COPB1: variants seen among roughly 807,000 people sequenced by gnomAD.
COPB1 encodes the protein coat protein complex I subunit beta 1.
In COPB1, 21 loss-of-function variants were observed where a neutral mutation model predicts 108.7. The ratio of observed to expected loss-of-function variants is 0.19; its 90% CI spans 0.14 to 0.28. The LOEUF is 0.28. Ranked by LOEUF, COPB1 falls within the 10% of genes least tolerant of loss-of-function variation. The pLI is 1.00. For synonymous variants in COPB1, 378 were observed against 386.8 expected (o/e 0.98, Z 0.27); for missense variants, 919 against 1,141.3 (o/e 0.81, Z 2.81).
chr11:14,490,778 A>G (rs1453656714), intron 4 of COPB1, 99 bp from the exon 5 acceptor site: 1 of 677,920 alleles, frequency 1.5e-6, no homozygotes, highest in African/African-American at 1.9e-5. Flanking sequence ...ATCAAACTTT[A>G]CAACATACTT....
intron 11 of COPB1, chr11:14,479,025 C>G (rs994516243): frequency 6.8e-6 from 1 of 146,932 alleles, no homozygotes; most frequent in Non-Finnish European, 1.5e-5. Context: ...GGAAGCAAAT[C>G]CTGCTCTGCT....
intron 6 of COPB1, among the ~76,000 whole-genome samples, chr11:14,487,400 G>C (rs541070953): frequency 6.6e-6 from 1 of 152,298 alleles, no homozygotes; most frequent in African/African-American, 2.4e-5. Context: ...CTATAGGCTG[G>C]ACATGGTGGC....
intron 16 of COPB1, among the ~76,000 whole-genome samples, chr11:14,466,676 T>C (rs1454384635): frequency 1.3e-5 from 2 of 152,246 alleles, no homozygotes; most frequent in Admixed American, 1.3e-4. Flanking sequence ...GTATTATACA[T>C]GTTGATTTTT....
chr11:14,489,204 C>T (rs982558505), intron 5 of COPB1, among the ~76,000 whole-genome samples: 2 of 152,116 alleles, frequency 1.3e-5, no homozygotes, highest in Non-Finnish European at 2.9e-5. Context: ...AACATTGCTA[C>T]TATCAAAAAA....
At chr11:14,477,307 C>G (rs1850542479) in intron 11 of COPB1, among the ~76,000 whole-genome samples, 1 of 143,228 alleles carries the variant, frequency 7.0e-6, no homozygotes, top group Non-Finnish European at 1.5e-5. Context: ...TGGCGGGAAC[C>G]CATTCTCGGG....
chr11:14,462,154 T>C (rs1247345765), intron 18 of COPB1, among the ~76,000 whole-genome samples: 1 of 152,054 alleles, frequency 6.6e-6, no homozygotes, highest in Non-Finnish European at 1.5e-5. Flanking sequence ...CTATATTTGC[T>C]TCTATGACCA....
chr11:14,484,528 G>A (rs1850729485), intron 7 of COPB1, among the ~76,000 whole-genome samples: 1 of 152,114 alleles, frequency 6.6e-6, no homozygotes, highest in African/African-American at 2.4e-5. Flanking sequence ...GACCATTCTG[G>A]CCAACATGGT....
intron 11 of COPB1, among the ~76,000 whole-genome samples, chr11:14,477,943 T>C (rs1850564892): frequency 6.8e-6 from 1 of 147,624 alleles, no homozygotes; most frequent in African/African-American, 2.5e-5. Context: ...GAGGCGGAGG[T>C]TGCAATGCCC....
chr11:14,499,000 A>C lies in COPB1; in HGVS notation c.-57-15T>G. 2 of 1,211,144 alleles carry C rather than the reference A, an allele frequency of 1.7e-6. No individual in the cohort carries two copies. The highest frequency in any genetic ancestry group is 2.3e-6 in the Non-Finnish European group (2 of 860,254). The allele number at this position is 1,211,144 out of a possible 1,614,324, so 75.0% of individuals were successfully genotyped here. A position where few individuals can be genotyped will look rare whatever the true frequency, so the allele number is the denominator to read the frequency against. On this transcript the variant is annotated splice_polypyrimidine_tract_variant and intron_variant, in intron 1 of 21. Coordinates refer to ENST00000439561, the MANE Select transcript of COPB1 (RefSeq NM_001144061.2). ...TGCCAGAAAATCTAGAAAAATAAAC[A>C]CAGACATATCATTACAAATTAAAAA...
chr11:14,463,135 T>G (rs1261556433), intron 18 of COPB1, among the ~76,000 whole-genome samples: 1 of 152,216 alleles, frequency 6.6e-6, no homozygotes, highest in Non-Finnish European at 1.5e-5. Flanking sequence ...GGTTTTTCCT[T>G]ACTTTTCTAA....
At chr11:14,492,959 A>C (rs1286230836) in intron 4 of COPB1, among the ~76,000 whole-genome samples, 1 of 152,116 alleles carries the variant, frequency 6.6e-6, no homozygotes, top group Non-Finnish European at 1.5e-5. Flanking sequence ...CAGCCTGGCC[A>C]ACATGGTGAA....
Position 14,494,446 on chromosome 11 carries a change from C to CA in COPB1, c.92-8dup. The CA allele has an allele frequency of 7.1e-7, 1 of 1,407,816 alleles. No homozygotes were observed. Among genetic ancestry groups the CA allele is most frequent in the Non-Finnish European group, 9.7e-7 (1 of 1,032,622 alleles). 87.2% of individuals were successfully genotyped at this position (1,407,816 alleles called of 1,614,324 possible). ...GACTTTACATCTCCTTTTTCTGAAT[C>CA]AAAAATTTTTTTAAAAAAAAGCACA... On this transcript the variant is annotated splice_region_variant and splice_polypyrimidine_tract_variant and intron_variant, in intron 2 of 21. Coordinates refer to ENST00000439561, the MANE Select transcript of COPB1 (RefSeq NM_001144061.2).
chr11:14,477,068 G>T lies in COPB1; in HGVS notation c.1359-53C>A, dbSNP rs941799483. On this transcript the variant is annotated intron_variant, in intron 11 of 21. Transcript: ENST00000439561. ...AACTTGGCAGACAAATCTTGAAGCA[G>T]AGATCTTTCTTTGTTAATTTAAGCT... The T allele has an allele frequency of 1.3e-5, 16 of 1,203,782 alleles. No individual in the cohort carries two copies. In the Admixed American group the frequency reaches 2.7e-4, roughly 21 times the overall value. The allele number at this position is 1,203,782 out of a possible 1,614,324, so 74.6% of individuals were successfully genotyped here.
chr11:14,458,065 C>T (rs555569069), intron 21 of COPB1, among the ~76,000 whole-genome samples, 182 bp from the exon 22 acceptor site: 6 of 147,746 alleles, frequency 4.1e-5, no homozygotes, highest in East Asian at 4.0e-4. Context: ...TTTTTCAAGC[C>T]GTCACCAGAT....
intron 20 of COPB1, among the ~76,000 whole-genome samples, chr11:14,459,323 A>T (rs1264260238): frequency 1.3e-5 from 2 of 152,226 alleles, no homozygotes; most frequent in Non-Finnish European, 2.9e-5. Context: ...TGTTGGACTC[A>T]GTATATGCTG....
In COPB1 at chr11:14,466,313, C is replaced by T; in HGVS notation, c.2259G>A (p.Leu753=). Reference sequence around the variant, plus strand: ...TAGCTAGTTCTAATGTGCAATTCTGCAAAGTATCACTGGTTTGGTTCACAA... The same window carrying T: ...TAGCTAGTTCTAATGTGCAATTCTGTAAAGTATCACTGGTTTGGTTCACAA... ...VLVVNQTSDT[L]QNCTLELATL... Residue 753 remains leucine (L), a synonymous_variant, in exon 17 of 22, where the codon TTG becomes TTA. Coordinates refer to ENST00000439561, the MANE Select transcript of COPB1 (RefSeq NM_001144061.2). 6.2e-7 allele frequency: 1 copy of T among 1,613,554 alleles called. No homozygotes were observed. The highest frequency in any genetic ancestry group is 2.2e-5 in the East Asian group (1 of 44,810).
intron 11 of COPB1, among the ~76,000 whole-genome samples, chr11:14,477,554 T>C (rs1367897237): frequency 6.7e-6 from 1 of 150,086 alleles, no homozygotes; most frequent in African/African-American, 2.5e-5. Context: ...CAGCCAGGCA[T>C]GGTGATGCAC....
intron 6 of COPB1, among the ~76,000 whole-genome samples, chr11:14,487,982 A>G (rs545097530): frequency 1.7e-4 from 26 of 152,368 alleles, no homozygotes; most frequent in African/African-American, 6.0e-4. Flanking sequence ...ATATCATAGT[A>G]AAGTGTTGCC....
intron 6 of COPB1, among the ~76,000 whole-genome samples, chr11:14,487,801 A>C (rs1480190655): frequency 6.6e-6 from 1 of 152,200 alleles, no homozygotes. Flanking sequence ...TACAGAAGCA[A>C]GACAGCTATA....
Sources: allele counts gnomAD v4.1 joint callset (sites outside exome capture counted in the v4.1 genomes callset), GRCh38; gene constraint gnomAD v4.1.1; transcripts MANE v1.5; gene names NCBI Gene and HGNC (gene_info 2026-07-23, HGNC 2026-07-21).